Variants in CSMD1 observed in about 807,000 individuals in gnomAD.
CSMD1 encodes CUB and sushi domain-containing protein 1.
In CSMD1, 213 loss-of-function variants were observed where a neutral mutation model predicts 417.5. The ratio of observed to expected loss-of-function variants is 0.51; its 90% CI spans 0.46 to 0.57. CSMD1 has a LOEUF of 0.57. Among genes scored for constraint, CSMD1 ranks in the 20% least tolerant of loss-of-function variants. CSMD1 has a pLI of 0.00. For synonymous variants in CSMD1, 2,862 were observed against 1,736.8 expected (o/e 1.65, Z -16.11); for missense variants, 6,923 against 4,529.7 (o/e 1.53, Z -15.17).
chr8:4,976,835 A>T (rs1054376186), intron 1 of CSMD1, among the ~76,000 whole-genome samples: 1 of 152,208 alleles, frequency 6.6e-6, no homozygotes, highest in African/African-American at 2.4e-5. Context: ...CATTTAAGTA[A>T]GTGCCACTTT....
At chr8:4,778,725 T>C (rs1002829329) in intron 1 of CSMD1, among the ~76,000 whole-genome samples, 7 of 152,318 alleles carry the variant, frequency 4.6e-5, no homozygotes, top group East Asian at 3.9e-4. Context: ...ATGCCCATTT[T>C]ATAGTGTTAA....
At chr8:4,060,222 G>C (rs568203442) in intron 3 of CSMD1, among the ~76,000 whole-genome samples, 83 of 88,430 alleles carry the variant, frequency 9.4e-4, no homozygotes, top group Non-Finnish European at 1.7e-3. Flanking sequence ...ATGCAGAAAA[G>C]GCCTTTGACA....
chr8:4,834,692 C>G (rs1800354758), intron 1 of CSMD1, among the ~76,000 whole-genome samples: 1 of 151,954 alleles, frequency 6.6e-6, no homozygotes, highest in African/African-American at 2.4e-5. Context: ...TGCGGTGGCT[C>G]ACTCCTGTAA....
chr8:3,955,390 A>G (rs1010996573), intron 5 of CSMD1, among the ~76,000 whole-genome samples: 1 of 152,224 alleles, frequency 6.6e-6, no homozygotes, highest in African/African-American at 2.4e-5. Context: ...AGATTTTCCA[A>G]AAATGACTCT....
At chr8:3,836,828 A>C (rs895361222) in intron 5 of CSMD1, among the ~76,000 whole-genome samples, 4 of 152,150 alleles carry the variant, frequency 2.6e-5, no homozygotes, top group African/African-American at 9.7e-5. Flanking sequence ...TTTATAACTC[A>C]ATTAAATATG....
At position 3,754,024 on chromosome 8, in the gene CSMD1, G is replaced by T; in HGVS notation, c.837C>A (p.Leu279=). 3 of 1,612,544 alleles carry T rather than the reference G, an allele frequency of 1.9e-6. No homozygotes were observed. Among genetic ancestry groups the T allele is most frequent in the East Asian group, 2.2e-5 (1 of 44,830 alleles). Residue 279 remains leucine, a synonymous_variant, in exon 6 of 70, where the codon CTC becomes CTA. Transcript: ENST00000635120. ...APSIWLTGMN[L]PSPVISSKNW... ...TCTTGCTACTGATAACTGGAGAGGGGAGGTTCATGCCAGTTAGCCTAGAGA... is the reference window on the plus strand; with the variant it reads ...TCTTGCTACTGATAACTGGAGAGGGTAGGTTCATGCCAGTTAGCCTAGAGA...
At chr8:3,980,343 A>C (rs531968820) in intron 5 of CSMD1, among the ~76,000 whole-genome samples, 1 of 151,792 alleles carries the variant, frequency 6.6e-6, no homozygotes, top group East Asian at 2.0e-4. Flanking sequence ...GTTCTGAGAT[A>C]ATCCTGAATT....
intron 2 of CSMD1, among the ~76,000 whole-genome samples, chr8:4,522,196 G>T (rs1803493391): frequency 6.6e-6 from 1 of 152,088 alleles, no homozygotes; most frequent in Non-Finnish European, 1.5e-5. Flanking sequence ...GAGAGCTGAT[G>T]ATTTATAAAA....
intron 1 of CSMD1, among the ~76,000 whole-genome samples, chr8:4,875,548 C>G (rs951274030): frequency 6.6e-6 from 1 of 152,046 alleles, no homozygotes; most frequent in Non-Finnish European, 1.5e-5. Context: ...CTGTCCAACT[C>G]AAGCAGAAGC....
chr8:3,902,056 G>T (rs773479627), intron 5 of CSMD1, among the ~76,000 whole-genome samples: 1 of 151,796 alleles, frequency 6.6e-6, no homozygotes, highest in Non-Finnish European at 1.5e-5. Flanking sequence ...GCAATGATTT[G>T]TACAGATTGT....
At chr8:3,249,503 C>T (rs1195802679) in intron 26 of CSMD1, among the ~76,000 whole-genome samples, 2 of 152,150 alleles carry the variant, frequency 1.3e-5, no homozygotes, top group African/African-American at 2.4e-5. Flanking sequence ...GGATTACAGA[C>T]ATGAGCCATG....
intron 49 of CSMD1, among the ~76,000 whole-genome samples, chr8:3,072,507 T>C (rs2128999023): frequency 6.6e-6 from 1 of 152,314 alleles, no homozygotes; most frequent in Middle Eastern, 3.4e-3. Context: ...TCCACCAAGC[T>C]TGTCATGTCA....
At chr8:3,622,515 G>A (rs1584975899) in intron 7 of CSMD1, among the ~76,000 whole-genome samples, 1 of 152,120 alleles carries the variant, frequency 6.6e-6, no homozygotes, top group Admixed American at 6.6e-5. Context: ...GCCCAAGTTG[G>A]GCAAAAACAC....
chr8:3,989,129 G>C (rs74836475), intron 5 of CSMD1, among the ~76,000 whole-genome samples: 2 of 152,316 alleles, frequency 1.3e-5, no homozygotes, highest in East Asian at 1.9e-4. Flanking sequence ...AAATTGCTAT[G>C]TGGGGCGGGC....
At chr8:3,765,538 T>C (rs147743384) in intron 5 of CSMD1, among the ~76,000 whole-genome samples, 53 of 152,364 alleles carry the variant, frequency 3.5e-4, no homozygotes, top group African/African-American at 1.3e-3. Context: ...CTCTTCTTTG[T>C]AGTATTCTGT....
chr8:3,411,882 A>G (rs62640233), intron 12 of CSMD1, among the ~76,000 whole-genome samples: 15,751 of 45,590 alleles, frequency 0.35, 1,007 homozygotes, highest in Middle Eastern at 0.5. Flanking sequence ...ACGTATATAT[A>G]CACGTATATA....
chr8:4,968,216 G>A (rs936410474), intron 1 of CSMD1, among the ~76,000 whole-genome samples: 5 of 151,730 alleles, frequency 3.3e-5, no homozygotes, highest in African/African-American at 1.2e-4. Flanking sequence ...TTAGAATCAG[G>A]GTTTTGATTC....
chr8:4,827,750 C>T (rs1333262474), intron 1 of CSMD1, among the ~76,000 whole-genome samples: 2 of 152,152 alleles, frequency 1.3e-5, no homozygotes, highest in South Asian at 2.1e-4. Flanking sequence ...CTGTTATTTT[C>T]CCCCAAAGGA....
intron 1 of CSMD1, among the ~76,000 whole-genome samples, chr8:4,643,667 G>C (rs1803342614): frequency 2.0e-5 from 3 of 152,224 alleles, no homozygotes; most frequent in African/African-American, 7.2e-5. Flanking sequence ...AATGAAGGAA[G>C]TGGAAGTTTC....
Sources: gnomAD v4.1 joint callset for allele counts (sites outside exome capture counted in the v4.1 genomes callset) on GRCh38, gnomAD v4.1.1 for gene constraint, MANE v1.5 for transcripts, NCBI Gene and HGNC (gene_info 2026-07-23, HGNC 2026-07-21) for gene names.